The following PTPRN2 variants were observed in gnomAD, a reference collection of about 807,000 sequenced individuals.
The protein encoded by PTPRN2 is protein tyrosine phosphatase receptor type N2.
A neutral mutation model predicts 118.8 loss-of-function variants in PTPRN2; 74 were observed. The ratio of observed to expected loss-of-function variants is 0.62; its 90% CI spans 0.52 to 0.76. PTPRN2 has a LOEUF of 0.76. PTPRN2 is among the 30% of genes least tolerant of loss of function. PTPRN2 has a pLI of 0.00. For missense variants in PTPRN2, 1,481 were observed against 1,394.4 expected (o/e 1.06, Z -0.99); for synonymous variants, 641 against 608.0 (o/e 1.05, Z -0.80).
intron 13 of PTPRN2, chr7:157,669,533 C>G (rs761650235): frequency 4.1e-6 from 2 of 491,106 alleles, no homozygotes; most frequent in Non-Finnish European, 8.1e-6. Context: ...GACACCCAGT[C>G]AGGGGCTGTA....
chr7:158,151,841 G>A (rs79836211), intron 6 of PTPRN2, among the ~76,000 whole-genome samples: 15,209 of 152,142 alleles, frequency 0.1, 1,046 homozygotes, highest in African/African-American at 0.2. Context: ...GCTTTTGTGT[G>A]ACTTCCATCT....
chr7:158,216,777 T>G (rs1827989264), intron 3 of PTPRN2, among the ~76,000 whole-genome samples: 1 of 152,120 alleles, frequency 6.6e-6, no homozygotes, highest in South Asian at 2.1e-4. Flanking sequence ...TATGGAACAC[T>G]GTACCCAACA....
chr7:157,771,406 A>T (rs1802794870), intron 12 of PTPRN2, among the ~76,000 whole-genome samples: 1 of 152,174 alleles, frequency 6.6e-6, no homozygotes, highest in Admixed American at 6.5e-5. Context: ...CTGATATAAA[A>T]CTAATCCCAC....
At chr7:157,792,901 C>A (rs564263346) in intron 12 of PTPRN2, among the ~76,000 whole-genome samples, 16 of 152,164 alleles carry the variant, frequency 1.1e-4, no homozygotes, top group Non-Finnish European at 1.8e-4. Flanking sequence ...CATGACCGGG[C>A]GGATCAATCT....
At chr7:157,771,111 G>A (rs1802776297) in intron 12 of PTPRN2, among the ~76,000 whole-genome samples, 1 of 152,222 alleles carries the variant, frequency 6.6e-6, no homozygotes. Flanking sequence ...GCAGCCTTGT[G>A]GAGGCTCCAC....
chr7:157,567,628 A>G (rs554699911), intron 21 of PTPRN2, among the ~76,000 whole-genome samples: 1 of 152,318 alleles, frequency 6.6e-6, no homozygotes, highest in East Asian at 1.9e-4. Flanking sequence ...TTGTTTCTAT[A>G]ATCAATGGCT....
chr7:157,745,187 G>C (rs527460824), intron 12 of PTPRN2, among the ~76,000 whole-genome samples: 1 of 152,302 alleles, frequency 6.6e-6, no homozygotes, highest in East Asian at 1.9e-4. Flanking sequence ...GGTGGAGCTC[G>C]TACAGTCAGC....
chr7:157,820,818 G>A (rs897272234), intron 12 of PTPRN2, among the ~76,000 whole-genome samples: 8 of 152,246 alleles, frequency 5.3e-5, no homozygotes, highest in African/African-American at 1.7e-4. Flanking sequence ...TACATGCCAG[G>A]AAAGGTGAAA....
chr7:157,746,244 A>G (rs1800925827), intron 12 of PTPRN2, among the ~76,000 whole-genome samples: 3 of 149,862 alleles, frequency 2.0e-5, no homozygotes, highest in Middle Eastern at 3.7e-3. Flanking sequence ...GGGCCTCCCT[A>G]CACTCCACAG....
At chr7:157,885,000 T>C (rs981182928) in intron 12 of PTPRN2, among the ~76,000 whole-genome samples, 16 of 152,172 alleles carry the variant, frequency 1.1e-4, no homozygotes, top group Admixed American at 8.5e-4. Context: ...GAGGTGCACA[T>C]GTGAATCCAC....
intron 3 of PTPRN2, among the ~76,000 whole-genome samples, chr7:158,211,881 G>A (rs959244891): frequency 2.1e-4 from 32 of 152,070 alleles, no homozygotes; most frequent in African/African-American, 7.7e-4. Context: ...ATACCCAAAA[G>A]GTAATCAGTG....
At chr7:157,982,038 C>T (rs1563295413) in intron 11 of PTPRN2, among the ~76,000 whole-genome samples, 3 of 146,932 alleles carry the variant, frequency 2.0e-5, no homozygotes, top group Admixed American at 7.0e-5. Flanking sequence ...GGGTTCCCCC[C>T]CAAACCCCAA....
rs1563254280 is a variant in PTPRN2 at position 158,407,168 on chromosome 7, CCTGCGTCCTGCGTCCT to C, written c.163+82551_163+82566del. ...GCGTCCTGGGTCCTGGGTCCTGGGT[CCTGCGTCCTGCGTCCT>C]GGGTCCTGGGTCCTGGGTCCTGGGT... is the stretch of plus-strand genomic sequence containing the variant. On this transcript the variant is annotated intron_variant, in intron 2 of 22. Transcript: ENST00000389418. Among the ~76,000 whole-genome samples the C allele has an allele frequency of 9.5e-4, 83 of 87,320 alleles. 3 individuals are homozygous for C. The highest frequency in any genetic ancestry group is 2.6e-3 in the African/African-American group (74 of 28,398). The allele number at this position is 87,320 out of a possible 152,430, so 57.3% of individuals were successfully genotyped here.
At chr7:157,938,187 T>C (rs1799834849) in intron 11 of PTPRN2, among the ~76,000 whole-genome samples, 1 of 152,244 alleles carries the variant, frequency 6.6e-6, no homozygotes. Flanking sequence ...GATTACACTT[T>C]ATGAAAGGTT....
chr7:158,237,893 C>T (rs938886506), intron 3 of PTPRN2, among the ~76,000 whole-genome samples: 26 of 152,200 alleles, frequency 1.7e-4, no homozygotes, highest in African/African-American at 4.3e-4. Context: ...CCTTCCCTCA[C>T]GCTGAGCTCA....
At chr7:157,820,262 GAC>G (rs755479068) in intron 12 of PTPRN2, among the ~76,000 whole-genome samples, 30 of 144,758 alleles carry the variant, frequency 2.1e-4, no homozygotes, top group East Asian at 1.0e-3. Context: ...ACATGCAGCA[GAC>G]ACACACACGT....
chr7:157,651,080 G>T (rs1423645563), intron 14 of PTPRN2, among the ~76,000 whole-genome samples: 3 of 152,222 alleles, frequency 2.0e-5, no homozygotes, highest in African/African-American at 7.2e-5. Context: ...TCTCACGCTG[G>T]GAGTTCAGAA....
chr7:157,834,608 C>T (rs186723408), intron 12 of PTPRN2, among the ~76,000 whole-genome samples: 5 of 152,394 alleles, frequency 3.3e-5, no homozygotes, highest in East Asian at 1.9e-4. Flanking sequence ...AGCGCAGCTG[C>T]GCTCACAGGG....
At chr7:157,601,224 T>C (rs1238129854) in intron 16 of PTPRN2, among the ~76,000 whole-genome samples, 1 of 152,226 alleles carries the variant, frequency 6.6e-6, no homozygotes, top group Admixed American at 6.5e-5. Context: ...TTGCACATTA[T>C]TTACCACTGG....
Sources: allele counts gnomAD v4.1 joint callset (sites outside exome capture counted in the v4.1 genomes callset), GRCh38; gene constraint gnomAD v4.1.1; transcripts MANE v1.5; gene names NCBI Gene and HGNC (gene_info 2026-07-23, HGNC 2026-07-21).